Variants in LIN7C observed in about 807,000 individuals in gnomAD.
The protein encoded by LIN7C is protein lin-7 homolog C.
LIN7C carries 17 observed loss-of-function variants against 24.7 expected under a neutral mutation model. That is an observed-to-expected ratio of 0.69 (90% CI 0.47 to 1.03). LIN7C has a LOEUF of 1.03. Ranked by LOEUF, LIN7C falls within the 50% of genes least tolerant of loss-of-function variation. The probability of loss-of-function intolerance (pLI) is 0.00; values close to 1 mark genes in which losing one functional copy is unlikely to be tolerated. For synonymous variants in LIN7C, 90 were observed against 83.4 expected (o/e 1.08, Z -0.43); for missense variants, 204 against 239.0 (o/e 0.85, Z 0.97).
chr11:27,501,693 G>T lies in LIN7C; in HGVS notation c.156+109C>A, dbSNP rs531627200. 2.0e-5 allele frequency: 18 copies of T among 898,298 alleles called. No homozygotes were observed. In the African/African-American group the frequency reaches 3.0e-4, roughly 15 times the overall value. 55.6% of individuals were successfully genotyped at this position (898,298 alleles called of 1,614,324 possible). A position where few individuals can be genotyped will look rare whatever the true frequency, so the allele number is the denominator to read the frequency against. ...AGAAATTCCAAAAATGAGAGGGACT[G>T]GTTTTAATGTTTTCTAAAGTTTTTC... On this transcript the variant is annotated intron_variant, in intron 2 of 4. Coordinates refer to ENST00000278193, the MANE Select transcript of LIN7C (RefSeq NM_018362.4).
chr11:27,500,504 T>C (rs1374028138), intron 3 of LIN7C, among the ~76,000 whole-genome samples: 1 of 152,212 alleles, frequency 6.6e-6, no homozygotes, highest in Non-Finnish European at 1.5e-5. Context: ...CGTATCTTCT[T>C]TAAAGCTCAA....
At chr11:27,502,029 ATCGAGGGG>A in intron 1 of LIN7C, 109 bp from the exon 2 acceptor site, 1 of 664,996 alleles carries the variant, frequency 1.5e-6, no homozygotes, top group Non-Finnish European at 2.6e-6. Flanking sequence ...TATACAGACA[ATCGAGGGG>A]AAAAAAAGCA....
At chr11:27,502,697 A>G (rs146459690) in intron 1 of LIN7C, among the ~76,000 whole-genome samples, 2 of 152,354 alleles carry the variant, frequency 1.3e-5, no homozygotes, top group African/African-American at 4.8e-5. Flanking sequence ...TGGAAATAAC[A>G]GTACCTTCCA....
At chr11:27,506,288 C>A (rs770300093) in intron 1 of LIN7C, among the ~76,000 whole-genome samples, 5 of 152,150 alleles carry the variant, frequency 3.3e-5, no homozygotes, top group Admixed American at 6.5e-5. Context: ...GTGCAAACAG[C>A]GGGGAAAGGA....
At chr11:27,503,294 T>C (rs377020294) in intron 1 of LIN7C, among the ~76,000 whole-genome samples, 32 of 152,348 alleles carry the variant, frequency 2.1e-4, no homozygotes, top group African/African-American at 7.7e-4. Flanking sequence ...CACTGTTAAC[T>C]ATCTCTACTT....
chr11:27,502,169 G>A (rs1052305783), intron 1 of LIN7C, among the ~76,000 whole-genome samples: 1 of 152,152 alleles, frequency 6.6e-6, no homozygotes, highest in African/African-American at 2.4e-5. Flanking sequence ...GATTACAGAA[G>A]CATAAAATAA....
chr11:27,504,299 A>T (rs866197777), intron 1 of LIN7C, among the ~76,000 whole-genome samples: 1 of 152,228 alleles, frequency 6.6e-6, no homozygotes, highest in African/African-American at 2.4e-5. Flanking sequence ...GCCATATAAA[A>T]ATTTCCAGTG....
intron 1 of LIN7C, among the ~76,000 whole-genome samples, chr11:27,503,734 A>C (rs1331762957): frequency 6.6e-6 from 1 of 152,060 alleles, no homozygotes; most frequent in East Asian, 1.9e-4. Flanking sequence ...GGCTGGCCTC[A>C]AACTCCTGAC....
Position 27,499,418 on chromosome 11 carries a change from T to A in LIN7C, c.379A>T (p.Ile127Phe). 1 of 1,614,128 alleles carries A rather than the reference T, an allele frequency of 6.2e-7. No homozygotes were observed. Among genetic ancestry groups the A allele is most frequent in the Non-Finnish European group, 8.5e-7 (1 of 1,180,002 alleles). Residue 127 changes from isoleucine (I) to phenylalanine (F), a missense_variant, in exon 4 of 5, where the codon ATT (isoleucine) becomes TTT (phenylalanine). Coordinates refer to ENST00000278193, the MANE Select transcript of LIN7C (RefSeq NM_018362.4). ...IYISRIIPGG[I>F]ADRHGGLKRG... ...TTGAGGCCCCCATGTCTATCAGCAA[T>A]TCCACCTGGAATTATTCGGGATATA...
chr11:27,501,201 T>C lies in LIN7C; in HGVS notation c.228+294A>G, dbSNP rs185344289. Among the ~76,000 whole-genome samples the C allele has an allele frequency of 4.6e-5, 7 of 152,252 alleles. No individual in the cohort carries two copies. In the East Asian group the frequency reaches 5.8e-4, roughly 13 times the overall value. On this transcript the variant is annotated intron_variant, in intron 3 of 4. Coordinates refer to ENST00000278193, the MANE Select transcript of LIN7C (RefSeq NM_018362.4). ...ATAATGAATATTATATAGTATCATA[T>C]ATATAACATATACAACACAATTATA... is the stretch of plus-strand genomic sequence containing the variant.
rs1359686135 is a variant in LIN7C at position 27,505,728 on chromosome 11, G to A, written c.37+988C>T. 2.6e-5 allele frequency among the ~76,000 whole-genome samples: 4 copies of A among 152,162 alleles called. 1 individual carries two copies. The highest frequency in any genetic ancestry group is 5.9e-5 in the Non-Finnish European group (4 of 68,034). On this transcript the variant is annotated intron_variant, in intron 1 of 4. Transcript: ENST00000278193. ...AGTAATATTTAGACTAATTGCAAAT[G>A]TTAATATGTGCAATATAATTTCAGT...
chr11:27,499,776 C>A (rs1865204976), intron 3 of LIN7C, among the ~76,000 whole-genome samples: 1 of 151,902 alleles, frequency 6.6e-6, no homozygotes. Context: ...GCGCCTGCCA[C>A]CACGCCCGGC....
intron 4 of LIN7C, 63 bp from the exon 5 acceptor site, chr11:27,498,867 G>A (rs755654984): frequency 2.0e-5 from 29 of 1,417,142 alleles, no homozygotes; most frequent in Non-Finnish European, 2.7e-5. Flanking sequence ...AACTCAAAAT[G>A]CAAAAATGTT....
Position 27,501,847 on chromosome 11 carries a change from A to G in LIN7C, c.111T>C (p.Ala37=), listed in dbSNP as rs554724542. ...SGEVPPQKLQ[A]LQRVLQSEFC... ...ATTCACTTTGAAGGACTCTTTGCAA[A>G]GCCTGAAGTTTCTGTGGTGGTACTT... The change falls in exon 2 of 5, where the codon GCT becomes GCC. Residue 37 remains alanine (A), a synonymous_variant. Transcript: ENST00000278193. 2 of 1,613,270 alleles carry G rather than the reference A, an allele frequency of 1.2e-6. No individual in the cohort carries two copies. The highest frequency in any genetic ancestry group is 2.2e-5 in the South Asian group (2 of 91,052).
At position 27,497,146 on chromosome 11, in the gene LIN7C, T is replaced by G. The variant is rs917232125; in HGVS notation, c.*1503A>C. ...ATGATAAATAACAATGCTGATTGAC[T>G]TTTATTTTGAAAAATCATTGAAAAC... On this transcript the variant is annotated 3_prime_UTR_variant, in exon 5 of 5. Transcript: ENST00000278193. 1 of 152,596 alleles carries G rather than the reference T, an allele frequency of 6.6e-6. No individual in the cohort carries two copies. The highest frequency in any genetic ancestry group is 1.5e-5 in the Non-Finnish European group (1 of 67,974). The allele number at this position is 152,596 out of a possible 1,614,324, so 9.5% of individuals were successfully genotyped here. A position where few individuals can be genotyped will look rare whatever the true frequency, so the allele number is the denominator to read the frequency against.
In LIN7C at chr11:27,501,587, T is replaced by C. The variant is rs769367980; in HGVS notation, c.157-21A>G. 1 of 1,501,342 alleles carries C rather than the reference T, an allele frequency of 6.7e-7. No homozygotes were observed. The highest frequency in any genetic ancestry group is 9.1e-7 in the Non-Finnish European group (1 of 1,096,886). The allele number at this position is 1,501,342 out of a possible 1,614,324, so 93.0% of individuals were successfully genotyped here. On this transcript the variant is annotated intron_variant, in intron 2 of 4. Transcript: ENST00000278193. ...TATACCTGTAAAAGCCAAAGTTATA[T>C]CTCAGAATATACCATGCTTGAGTTC...
At position 27,497,504 on chromosome 11, in the gene LIN7C, CAT is replaced by C. The variant is rs1865183874; in HGVS notation, c.*1143_*1144del. The C allele has an allele frequency of 2.0e-5, 3 of 152,510 alleles. No individual in the cohort carries two copies. Among genetic ancestry groups the C allele is most frequent in the Admixed American group, 1.3e-4 (2 of 15,272 alleles). 9.4% of individuals were successfully genotyped at this position (152,510 alleles called of 1,614,324 possible). A position where few individuals can be genotyped will look rare whatever the true frequency, so the allele number is the denominator to read the frequency against. ...ATTTCTCAAATTCCCATATTTGAAT[CAT>C]AAACAAAAGTTGCCTCTTTAAATCC... On this transcript the variant is annotated 3_prime_UTR_variant, in exon 5 of 5. Transcript: ENST00000278193.
chr11:27,497,890 A>C lies in LIN7C; in HGVS notation c.*759T>G, dbSNP rs190835624. 1 of 152,302 alleles carries C rather than the reference A, an allele frequency of 6.6e-6. No homozygotes were observed. The highest frequency in any genetic ancestry group is 1.9e-4 in the East Asian group (1 of 5,188). 9.4% of individuals were successfully genotyped at this position (152,302 alleles called of 1,614,324 possible). A position where few individuals can be genotyped will look rare whatever the true frequency, so the allele number is the denominator to read the frequency against. ...GCATTTATAATTTGATGTACGGTTGAACATAAATAGGGATGTAATAAGTAA... is the reference window on the plus strand; with the variant it reads ...GCATTTATAATTTGATGTACGGTTGCACATAAATAGGGATGTAATAAGTAA... On this transcript the variant is annotated 3_prime_UTR_variant, in exon 5 of 5. Coordinates refer to ENST00000278193, the MANE Select transcript of LIN7C (RefSeq NM_018362.4).
rs1865187048 is a variant in LIN7C at position 27,497,979 on chromosome 11, T to C, written c.*670A>G. ...TTAAGAATATGTATTTTAGCAATGATTGTTTCAGTGTTTAAAAACTTACTT... is the reference window on the plus strand; with the variant it reads ...TTAAGAATATGTATTTTAGCAATGACTGTTTCAGTGTTTAAAAACTTACTT... On this transcript the variant is annotated 3_prime_UTR_variant, in exon 5 of 5. Coordinates refer to ENST00000278193, the MANE Select transcript of LIN7C (RefSeq NM_018362.4). The C allele has an allele frequency of 6.6e-6, 1 of 152,162 alleles. No individual in the cohort carries two copies. The highest frequency in any genetic ancestry group is 2.4e-5 in the African/African-American group (1 of 41,454). 9.4% of individuals were successfully genotyped at this position (152,162 alleles called of 1,614,324 possible). A position where few individuals can be genotyped will look rare whatever the true frequency, so the allele number is the denominator to read the frequency against.
Sources: allele counts gnomAD v4.1 joint callset (sites outside exome capture counted in the v4.1 genomes callset), GRCh38; gene constraint gnomAD v4.1.1; transcripts MANE v1.5; gene names NCBI Gene and HGNC (gene_info 2026-07-23, HGNC 2026-07-21).